Variants in SLC44A5 observed in about 807,000 individuals in gnomAD.
SLC44A5 encodes the protein choline transporter-like protein 5.
Under a neutral mutation model 101.8 loss-of-function variants are expected in SLC44A5, and 57 were observed. The ratio of observed to expected loss-of-function variants is 0.56; its 90% CI spans 0.45 to 0.70. The LOEUF is 0.70. Ranked by LOEUF, SLC44A5 falls within the 30% of genes least tolerant of loss-of-function variation. SLC44A5 has a pLI of 0.00. For synonymous variants in SLC44A5, 281 were observed against 290.9 expected (o/e 0.97, Z 0.35); for missense variants, 737 against 853.1 (o/e 0.86, Z 1.70).
the SLC44A5 span, among the ~76,000 whole-genome samples, chr1:75,642,920 G>T: frequency 3.9e-5 from 6 of 152,028 alleles, no homozygotes; most frequent in Admixed American, 6.6e-5. Flanking sequence ...TTCTATCAAG[G>T]CGAATCACTG....
At chr1:75,283,041 C>A (rs1652740956) in intron 5 of SLC44A5, among the ~76,000 whole-genome samples, 1 of 152,184 alleles carries the variant, frequency 6.6e-6, no homozygotes, top group African/African-American at 2.4e-5. Flanking sequence ...ACTGCTGGAT[C>A]AAATGGCAGA....
At chr1:75,671,780 T>C in the SLC44A5 span, among the ~76,000 whole-genome samples, 1 of 152,160 alleles carries the variant, frequency 6.6e-6, no homozygotes, top group Non-Finnish European at 1.5e-5. Context: ...GAAAGGACAA[T>C]AGAAAAAGCT....
chr1:75,227,855 T>C lies in SLC44A5; in HGVS notation c.856A>G (p.Ile286Val). Residue 286 changes from isoleucine to valine, a missense_variant and splice_region_variant, in exon 13 of 24, where the codon ATA (isoleucine) becomes GTA (valine). Ile to Val is a conservative substitution (Grantham distance 29). Transcript: ENST00000370859. ...IGVIGIIGYG[I>V]WHCYQQYTNL... ...GTGTACTGCTGGTAACAGTGCCATA[T>C]TCCTTGAAAAAGAAAGAAAAACAGA... The C allele has an allele frequency of 2.5e-6, 4 of 1,582,042 alleles. No individual in the cohort carries two copies. The highest frequency in any genetic ancestry group is 3.4e-6 in the Non-Finnish European group (4 of 1,171,452).
At chr1:75,334,077 C>A (rs1403236298) in intron 4 of SLC44A5, among the ~76,000 whole-genome samples, 1 of 152,164 alleles carries the variant, frequency 6.6e-6, no homozygotes, top group Non-Finnish European at 1.5e-5. Context: ...CAGCCCAGTT[C>A]CCCATTCACT....
intron 2 of SLC44A5, among the ~76,000 whole-genome samples, chr1:75,527,222 G>A (rs547161517): frequency 1.3e-5 from 2 of 149,432 alleles, no homozygotes; most frequent in South Asian, 4.3e-4. Context: ...GAGGGAGGAA[G>A]ACAGAGAGAG....
At chr1:75,491,733 A>ACG (rs767400461) in intron 2 of SLC44A5, among the ~76,000 whole-genome samples, 4 of 144,250 alleles carry the variant, frequency 2.8e-5, no homozygotes, top group African/African-American at 1.1e-4. Flanking sequence ...GCACGCACGC[A>ACG]CACACACACA....
chr1:75,419,015 T>C lies in SLC44A5; in HGVS notation c.14-22394A>G, dbSNP rs182767837. Among the ~76,000 whole-genome samples, 684 of 152,172 alleles carry C rather than the reference T, an allele frequency of 4.5e-3. 3 individuals carry two copies. The highest frequency in any genetic ancestry group is 0.016 in the African/African-American group (656 of 41,520). On this transcript the variant is annotated intron_variant, in intron 2 of 23. Coordinates refer to ENST00000370859, the MANE Select transcript of SLC44A5 (RefSeq NM_001130058.2). ...CTGGAAGTAGTGTCCAGGCCAAGGC[T>C]CAGAGAAGGGAACCAAAATAGAGTG...
chr1:75,262,421 A>C (rs1315199162), intron 6 of SLC44A5, among the ~76,000 whole-genome samples: 1 of 152,198 alleles, frequency 6.6e-6, no homozygotes. Flanking sequence ...AATCCAACTT[A>C]CAAGGGATGT....
At chr1:75,351,309 C>A (rs1018800160) in intron 3 of SLC44A5, among the ~76,000 whole-genome samples, 4 of 151,872 alleles carry the variant, frequency 2.6e-5, no homozygotes, top group African/African-American at 9.7e-5. Context: ...AGACAAAAAT[C>A]ATCAGTAAGT....
chr1:75,600,062 T>C, intron 1 of SLC44A5, among the ~76,000 whole-genome samples: 1 of 152,090 alleles, frequency 6.6e-6, no homozygotes, highest in East Asian at 1.9e-4. Context: ...GGAGACCCCT[T>C]AGTGCAGAGG....
intron 2 of SLC44A5, among the ~76,000 whole-genome samples, chr1:75,539,379 A>G (rs1388751374): frequency 1.3e-5 from 2 of 151,716 alleles, no homozygotes; most frequent in African/African-American, 4.8e-5. Context: ...TATCTAGCAC[A>G]GCTTCACAGG....
At chr1:75,529,416 C>T (rs189550180) in intron 2 of SLC44A5, among the ~76,000 whole-genome samples, 10 of 152,260 alleles carry the variant, frequency 6.6e-5, no homozygotes, top group Non-Finnish European at 1.0e-4. Flanking sequence ...CTCTTAGCAC[C>T]CACACAGTCC....
intron 2 of SLC44A5, among the ~76,000 whole-genome samples, chr1:75,413,929 C>A (rs186501016): frequency 2.0e-5 from 3 of 152,302 alleles, no homozygotes; most frequent in African/African-American, 7.2e-5. Context: ...TCTTGCTTTT[C>A]TTCCCTTGGC....
At chr1:75,662,500 A>G in the SLC44A5 span, among the ~76,000 whole-genome samples, 2 of 152,106 alleles carry the variant, frequency 1.3e-5, no homozygotes, top group African/African-American at 4.8e-5. Flanking sequence ...AATAGCTAGA[A>G]GAGAAGATAT....
the SLC44A5 span, among the ~76,000 whole-genome samples, chr1:75,674,576 C>A: frequency 6.6e-6 from 1 of 151,262 alleles, no homozygotes; most frequent in Non-Finnish European, 1.5e-5. Context: ...GACAGGGTTT[C>A]ATCATGTTGG....
chr1:75,217,468 G>A (rs1042831308), intron 18 of SLC44A5, among the ~76,000 whole-genome samples: 2 of 152,026 alleles, frequency 1.3e-5, no homozygotes, highest in African/African-American at 4.8e-5. Context: ...TATCAGGTAT[G>A]AAGATTTATG....
chr1:75,219,357 C>T lies in SLC44A5; in HGVS notation c.1179-13G>A, dbSNP rs762460920. 1 of 1,578,002 alleles carries T rather than the reference C, an allele frequency of 6.3e-7. No individual in the cohort carries two copies. Among genetic ancestry groups the T allele is most frequent in the Admixed American group, 1.7e-5 (1 of 59,918 alleles). ...TGTCGCCAAGAAACTGAATAAACTC[C>T]ATTAAGGATAAACCATTTGCTGGTA... is the stretch of plus-strand genomic sequence containing the variant. On this transcript the variant is annotated splice_polypyrimidine_tract_variant and intron_variant, in intron 15 of 23. Transcript: ENST00000370859.
At chr1:75,308,201 A>G (rs902933850) in intron 4 of SLC44A5, among the ~76,000 whole-genome samples, 1 of 152,212 alleles carries the variant, frequency 6.6e-6, no homozygotes, top group Admixed American at 6.5e-5. Flanking sequence ...GTATTAGGTT[A>G]TATAAGATAA....
chr1:75,279,429 T>G (rs1652203715), intron 5 of SLC44A5, among the ~76,000 whole-genome samples: 1 of 152,140 alleles, frequency 6.6e-6, no homozygotes, highest in Non-Finnish European at 1.5e-5. Flanking sequence ...TTCAGTTGAC[T>G]GCAGCTTTGG....
Sources: gnomAD v4.1 joint callset for allele counts (sites outside exome capture counted in the v4.1 genomes callset) on GRCh38, gnomAD v4.1.1 for gene constraint, MANE v1.5 for transcripts, NCBI Gene and HGNC (gene_info 2026-07-23, HGNC 2026-07-21) for gene names.